Variants in SETX observed in about 807,000 individuals in gnomAD.
SETX encodes the protein helicase senataxin.
SETX carries 90 observed loss-of-function variants against 227.2 expected under a neutral mutation model. That is an observed-to-expected ratio of 0.40 (90% CI 0.33 to 0.47). SETX has a LOEUF of 0.47. Among genes scored for constraint, SETX ranks in the 20% least tolerant of loss-of-function variants. The pLI is 0.91. For synonymous variants in SETX, 1,210 were observed against 1,113.2 expected (o/e 1.09, Z -1.73); for missense variants, 3,052 against 3,181.5 (o/e 0.96, Z 0.98).
intron 12 of SETX, 146 bp downstream of exon 12, chr9:132,300,484 G>C: frequency 1.2e-6 from 1 of 800,718 alleles, no homozygotes; most frequent in South Asian, 1.5e-5. Context: ...AACTAGAAAA[G>C]AGACTCTGAA....
At chr9:132,294,763 G>A (rs955283033) in intron 15 of SETX, among the ~76,000 whole-genome samples, 1 of 152,126 alleles carries the variant, frequency 6.6e-6, no homozygotes, top group Admixed American at 6.5e-5. Context: ...TATCCTGACC[G>A]CAGGTGCACT....
chr9:132,328,677 A>G lies in SETX; in HGVS notation c.2921T>C (p.Ile974Thr), dbSNP rs765768857. The G allele has an allele frequency of 1.4e-5, 23 of 1,613,654 alleles. No homozygotes were observed. The highest frequency in any genetic ancestry group is 6.7e-5 in the East Asian group (3 of 44,884). Reference protein sequence around the residue: ...KLSLLAQASVITFPSDSPQNS... With the variant: ...KLSLLAQASVTTFPSDSPQNS... ...CTGAGGTGAATCGGATGGGAACGTAATAACACTGGCTTGAGCTAGTAAAGA... is the reference window on the plus strand; with the variant it reads ...CTGAGGTGAATCGGATGGGAACGTAGTAACACTGGCTTGAGCTAGTAAAGA... The change falls in exon 10 of 26, where the codon ATT becomes ACT. Residue 974 changes from isoleucine to threonine, a missense_variant. Transcript: ENST00000224140.
At chr9:132,306,564 C>A (rs1845346879) in intron 11 of SETX, among the ~76,000 whole-genome samples, 1 of 152,062 alleles carries the variant, frequency 6.6e-6, no homozygotes, top group Non-Finnish European at 1.5e-5. Flanking sequence ...GTGGGTTATA[C>A]ATATGACCAA....
chr9:132,270,318 C>A (rs563229521), intron 24 of SETX, among the ~76,000 whole-genome samples: 1 of 151,994 alleles, frequency 6.6e-6, no homozygotes, highest in Non-Finnish European at 1.5e-5. Context: ...AATGACTCAG[C>A]GTGCCCGTGT....
intron 10 of SETX, among the ~76,000 whole-genome samples, chr9:132,314,169 C>T (rs984476662): frequency 6.6e-6 from 1 of 152,080 alleles, no homozygotes; most frequent in Non-Finnish European, 1.5e-5. Context: ...CTCGGCTCAC[C>T]ACAACCTCCA....
intron 11 of SETX, among the ~76,000 whole-genome samples, chr9:132,307,258 A>AAAT (rs975502186): frequency 7.9e-5 from 12 of 151,946 alleles, no homozygotes; most frequent in East Asian, 1.9e-4. Context: ...TGTCTCAAAA[A>AAAT]AATAATAATA....
At position 132,311,757 on chromosome 9, in the gene SETX, C is replaced by G; in HGVS notation, c.5374G>C (p.Val1792Leu). 1.9e-6 allele frequency: 3 copies of G among 1,605,248 alleles called. No individual in the cohort carries two copies. Among genetic ancestry groups the G allele is most frequent in the Non-Finnish European group, 2.6e-6 (3 of 1,172,600 alleles). The change falls in exon 11 of 26, where the codon GTT (valine) becomes CTT (leucine). Residue 1792 changes from valine (V) to leucine (L), a missense_variant and splice_region_variant. Val to Leu is a conservative substitution (Grantham distance 32, BLOSUM62 1). Around this residue, in one of 10 missense-constraint regions of SETX, gnomAD observed 239 missense variants for 272.1 expected, o/e 0.88. Transcript: ENST00000224140. ...ADYIKYWEFAVYLEECELAKQ... is the reference protein window; with the variant it reads ...ADYIKYWEFALYLEECELAKQ... ...CCAAGTTGCGTAAGAAAAAACTTAC[C>G]TGCAAACTCCCAGTATTTTATATAA...
intron 10 of SETX, among the ~76,000 whole-genome samples, chr9:132,312,241 A>C (rs1023496264): frequency 6.6e-6 from 1 of 152,164 alleles, no homozygotes; most frequent in African/African-American, 2.4e-5. Context: ...CAGCTAGCTC[A>C]CAAGTCCAAA....
chr9:132,336,530 T>C lies in SETX; in HGVS notation c.499-15A>G. The C allele has an allele frequency of 6.4e-7, 1 of 1,553,080 alleles. No homozygotes were observed. Among genetic ancestry groups the C allele is most frequent in the African/African-American group, 1.4e-5 (1 of 73,890 alleles). On this transcript the variant is annotated splice_polypyrimidine_tract_variant and intron_variant, in intron 5 of 25. Transcript: ENST00000224140. ...CAACGCCGAACCTAAATGCAGAATA[T>C]ATTTATTACTTAATTCAATAAACAA...
chr9:132,338,024 G>A (rs1847740628), intron 5 of SETX, among the ~76,000 whole-genome samples: 1 of 151,828 alleles, frequency 6.6e-6, no homozygotes, highest in African/African-American at 2.4e-5. Flanking sequence ...TGGTACTCCA[G>A]CTGGGAATGT....
At chr9:132,267,003 G>A (rs538766623) in intron 25 of SETX, among the ~76,000 whole-genome samples, 69 of 152,288 alleles carry the variant, frequency 4.5e-4, no homozygotes, top group Non-Finnish European at 7.8e-4. Flanking sequence ...TATTTTCTAT[G>A]TATGGATAAG....
rs113071480 is a variant in SETX, at chr9:132,264,902, A to G, written c.7371T>C (p.His2457=). ...TGAGTTTCAGAATCTTCACTGCATCATGTCTATAGTTTTTGTCACAGGTCT... is the reference window on the plus strand; with the variant it reads ...TGAGTTTCAGAATCTTCACTGCATCGTGTCTATAGTTTTTGTCACAGGTCT... ...IIKTCDKNYR[H]DAVKILKLKP... is the part of the protein sequence containing the mutation. The change falls in exon 26 of 26, where the codon CAT becomes CAC. Residue 2457 remains histidine, a synonymous_variant. Transcript: ENST00000224140. 1,101 of 1,614,092 alleles carry G rather than the reference A, an allele frequency of 6.8e-4. 10 individuals are homozygous for G. In the African/African-American group the frequency reaches 0.013, roughly 20 times the overall value.
At chr9:132,269,578 T>A in intron 25 of SETX, 37 bp downstream of exon 25, 1 of 1,611,974 alleles carries the variant, frequency 6.2e-7, no homozygotes, top group Non-Finnish European at 8.5e-7. Context: ...CCAACAACAG[T>A]AACAATGGGT....
At position 132,275,312 on chromosome 9, in the gene SETX, G is replaced by A. The variant is rs1843107128; in HGVS notation, c.7044C>T (p.Tyr2348=). ...SFRNIGIITH[Y]KAQKTMIQKD... ...TCTGAATCATCGTCTTCTGGGCCTT[G>A]TAATGAGTTATTATGCCAATGTTTC... The change falls in exon 23 of 26, where the codon TAC becomes TAT. Residue 2348 remains tyrosine, a synonymous_variant. Transcript: ENST00000224140. 6.2e-7 allele frequency: 1 copy of A among 1,614,074 alleles called. No individual in the cohort carries two copies. The highest frequency in any genetic ancestry group is 2.2e-5 in the East Asian group (1 of 44,872).
intron 17 of SETX, 63 bp downstream of exon 17, chr9:132,288,173 C>T (rs927310209): frequency 1.5e-6 from 2 of 1,323,394 alleles, no homozygotes; most frequent in Non-Finnish European, 2.1e-6. Context: ...AAGACTCTGT[C>T]TCAAAAAAAA....
In SETX at chr9:132,346,242, G is replaced by A; in HGVS notation, c.388+19C>T. 2 of 1,572,766 alleles carry A rather than the reference G, an allele frequency of 1.3e-6. No homozygotes were observed. The highest frequency in any genetic ancestry group is 1.8e-6 in the Non-Finnish European group (2 of 1,142,688). On this transcript the variant is annotated intron_variant, in intron 4 of 25. Transcript: ENST00000224140. Reference sequence around the variant, plus strand: ...AATAATAAAACTGATATAACTTGAGGAACCATCAAGATACTCACTAACACG... The same window carrying A: ...AATAATAAAACTGATATAACTTGAGAAACCATCAAGATACTCACTAACACG...
chr9:132,309,995 C>T (rs1471548966), intron 11 of SETX, among the ~76,000 whole-genome samples: 1 of 152,020 alleles, frequency 6.6e-6, no homozygotes, highest in African/African-American at 2.4e-5. Context: ...ATTTTTAAGA[C>T]ATCACTAAAA....
intron 4 of SETX, among the ~76,000 whole-genome samples, chr9:132,343,713 A>C (rs2131545543): frequency 6.6e-6 from 1 of 152,274 alleles, no homozygotes; most frequent in African/African-American, 2.4e-5. Context: ...GATGTTGATA[A>C]TGTTTCGATT....
rs1189732555 is a variant in SETX at position 132,297,031 on chromosome 9, A to G, written c.5805T>C (p.Asn1935=). The change falls in exon 14 of 26, where the codon AAT becomes AAC. Residue 1935 remains asparagine (N), a synonymous_variant. Transcript: ENST00000224140. The stretch of plus-strand genomic sequence containing the variant: ...TTTCTATTGCTTTCTTTTGATCTTC[A>G]TTGAAATCTCTTAAGTACGCAATCT... The part of the protein sequence containing the change: ...ERIIAYLRDF[N]EDQKKAIETA... The G allele has an allele frequency of 1.9e-6, 3 of 1,613,370 alleles. No homozygotes were observed. Among genetic ancestry groups the G allele is most frequent in the South Asian group, 2.2e-5 (2 of 91,016 alleles).
Sources: gnomAD v4.1 joint callset for allele counts (sites outside exome capture counted in the v4.1 genomes callset) on GRCh38, gnomAD v4.1.1 for gene constraint, gnomAD v4.1.1 regional missense constraint, MANE v1.5 for transcripts, NCBI Gene and HGNC (gene_info 2026-07-23, HGNC 2026-07-21) for gene names.